MYH14: variants seen among roughly 807,000 people sequenced by gnomAD.
The protein encoded by MYH14 is myosin-14.
In MYH14, 123 loss-of-function variants were observed where a neutral mutation model predicts 255.5. That is an observed-to-expected ratio of 0.48 (90% CI 0.42 to 0.56). MYH14 has a LOEUF of 0.56. MYH14 is among the 20% of genes least tolerant of loss of function. The pLI is 0.00. For missense variants in MYH14, 2,423 were observed against 2,802.3 expected, an observed-to-expected ratio of 0.86 and a Z score of 3.06; for synonymous variants, 1,095 against 1,161.2, an observed-to-expected ratio of 0.94 and a Z score of 1.16.
Position 50,293,802 on chromosome 19 carries a change from G to A in MYH14, c.5469+115G>A. On this transcript the variant is annotated intron_variant, in intron 39 of 42. Transcript: ENST00000642316. This position sits in a 1 kb window ranked among gnomAD's most constrained non-coding sequence, Gnocchi z 4.1. ...GGGATATTTGAGTTGGGTTTTGAAG[G>A]TTGAATAGGAGTTCTTAAAAGGGTT... 1.7e-6 allele frequency: 2 copies of A among 1,196,348 alleles called. No individual in the cohort carries two copies. Among genetic ancestry groups the A allele is most frequent in the East Asian group, 2.5e-5 (1 of 40,172 alleles). 74.1% of individuals were successfully genotyped at this position (1,196,348 alleles called of 1,614,324 possible). A position where few individuals can be genotyped will look rare whatever the true frequency, so the allele number is the denominator to read the frequency against.
intron 32 of MYH14, among the ~76,000 whole-genome samples, chr19:50,281,321 C>T (rs972178241): frequency 6.6e-6 from 1 of 152,230 alleles, no homozygotes; most frequent in African/African-American, 2.4e-5. Flanking sequence ...GGCTGTGACT[C>T]TGTGTCTCCC....
intron 2 of MYH14, among the ~76,000 whole-genome samples, chr19:50,214,360 GGT>G (rs1327223706): frequency 6.6e-6 from 1 of 152,124 alleles, no homozygotes; most frequent in African/African-American, 2.4e-5. Context: ...TGGGGATGGT[GGT>G]GTTGTCCAGT....
chr19:50,266,971 C>A lies in MYH14; in HGVS notation c.2789C>A (p.Ala930Asp). ...QKVQELQQQS[A>D]REVGELQGRV... ...GTGCAGGAGCTACAGCAGCAGAGCG[C>A]CCGCGAAGTTGGGGAGCTCCAGGGC... The change falls in exon 23 of 43, where the codon GCC becomes GAC. Residue 930 changes from alanine to aspartate, a missense_variant. This residue lies in a region of MYH14 where 1,513 missense variants were observed against 1,674.8 expected (regional missense o/e 0.90). Coordinates refer to ENST00000642316, the MANE Select transcript of MYH14 (RefSeq NM_001145809.2). This position sits in a 1 kb window ranked among gnomAD's most constrained non-coding sequence, Gnocchi z 4.1. 6.4e-7 allele frequency: 1 copy of A among 1,567,922 alleles called. No homozygotes were observed. Among genetic ancestry groups the A allele is most frequent in the Non-Finnish European group, 8.6e-7 (1 of 1,156,586 alleles).
intron 6 of MYH14, 88 bp downstream of exon 6, chr19:50,224,265 A>G: frequency 6.4e-7 from 1 of 1,574,558 alleles, no homozygotes; most frequent in Non-Finnish European, 8.7e-7. Flanking sequence ...GACAGGGCCC[A>G]AGGCAGCAGT....
At chr19:50,289,065 C>A (rs182813858) in intron 34 of MYH14, among the ~76,000 whole-genome samples, 1 of 152,064 alleles carries the variant, frequency 6.6e-6, no homozygotes, top group Non-Finnish European at 1.5e-5. Flanking sequence ...TCAACCCATT[C>A]GCACAGAATT....
chr19:50,301,898 A>G (rs1301413633), intron 40 of MYH14, 29 bp downstream of exon 40: 4 of 1,550,008 alleles, frequency 2.6e-6, no homozygotes, highest in South Asian at 2.3e-5. Flanking sequence ...CACAGGAGAA[A>G]GGTGACCTCC....
chr19:50,260,800 TG>T lies in MYH14; in HGVS notation c.2424+86del. 4 of 1,027,000 alleles carry T rather than the reference TG, an allele frequency of 3.9e-6. No homozygotes were observed. In the South Asian group the frequency reaches 4.0e-5, roughly 10 times the overall value. 63.6% of individuals were successfully genotyped at this position (1,027,000 alleles called of 1,614,324 possible). A position where few individuals can be genotyped will look rare whatever the true frequency, so the allele number is the denominator to read the frequency against. ...GCGTGCATGTGTGTGTGCATGCATA[TG>T]TGTGCATGCGTGTGTGTGCAAGTGT... On this transcript the variant is annotated intron_variant, in intron 20 of 42. Transcript: ENST00000642316.
intron 10 of MYH14, 75 bp downstream of exon 10, chr19:50,232,145 G>A (rs1230592238): frequency 6.6e-5 from 103 of 1,568,932 alleles, no homozygotes; most frequent in Middle Eastern, 3.3e-4. Context: ...TTCATGCCCC[G>A]ATCTCTTTGA....
In MYH14 at chr19:50,280,349, G is replaced by C; in HGVS notation, c.4256G>C (p.Arg1419Pro). Residue 1419 changes from arginine to proline, a missense_variant, in exon 32 of 43, where the codon CGG (arginine) becomes CCG (proline). Around this residue, in one of 3 missense-constraint regions of MYH14, gnomAD observed 1,513 missense variants for 1,674.8 expected, o/e 0.90. Transcript: ENST00000642316. The surrounding 1 kb of genome is among the most constrained non-coding windows in gnomAD (Gnocchi z 4.8). ...QLEEEAAARE[R>P]AGRELQTAQA... Reference sequence around the variant, plus strand: ...GAGGAGGAGGCAGCTGCCAGGGAACGGGCGGGCCGTGAACTGCAGACTGCC... The same window carrying C: ...GAGGAGGAGGCAGCTGCCAGGGAACCGGCGGGCCGTGAACTGCAGACTGCC... 3 of 1,547,686 alleles carry C rather than the reference G, an allele frequency of 1.9e-6. No homozygotes were observed. The highest frequency in any genetic ancestry group is 2.6e-6 in the Non-Finnish European group (3 of 1,145,580).
intron 40 of MYH14, among the ~76,000 whole-genome samples, chr19:50,303,232 T>C (rs923456591): frequency 6.6e-6 from 1 of 152,232 alleles, no homozygotes; most frequent in African/African-American, 2.4e-5. Flanking sequence ...TAATCTTGGC[T>C]GGGCTTTCAT....
chr19:50,293,385 C>A lies in MYH14; in HGVS notation c.5345+64C>A. The A allele has an allele frequency of 1.3e-6, 2 of 1,521,584 alleles. No individual in the cohort carries two copies. Among genetic ancestry groups the A allele is most frequent in the African/African-American group, 1.4e-5 (1 of 72,762 alleles). The allele number at this position is 1,521,584 out of a possible 1,614,324, so 94.3% of individuals were successfully genotyped here. A position where few individuals can be genotyped will look rare whatever the true frequency, so the allele number is the denominator to read the frequency against. On this transcript the variant is annotated intron_variant, in intron 38 of 42. Coordinates refer to ENST00000642316, the MANE Select transcript of MYH14 (RefSeq NM_001145809.2). The surrounding 1 kb of genome is among the most constrained non-coding windows in gnomAD (Gnocchi z 4.1). ...CTGCAGGAGGTGAAGCTGGGGTAGGCTGGAGGTGGCTGGGCTCTGGGACAG... is the reference window on the plus strand; with the variant it reads ...CTGCAGGAGGTGAAGCTGGGGTAGGATGGAGGTGGCTGGGCTCTGGGACAG...
chr19:50,254,423 T>C (rs960009026), intron 16 of MYH14, among the ~76,000 whole-genome samples: 2 of 152,192 alleles, frequency 1.3e-5, no homozygotes, highest in Non-Finnish European at 1.5e-5. Flanking sequence ...AACCAGATTA[T>C]GCTACGAGAA....
rs2034010380 is a variant in MYH14 at position 50,244,338 on chromosome 19, G to T, written c.1210+1G>T. The T allele has an allele frequency of 6.2e-7, 1 of 1,612,944 alleles. No individual in the cohort carries two copies. The highest frequency in any genetic ancestry group is 1.7e-5 in the Admixed American group (1 of 59,974). On this transcript the variant is annotated splice_donor_variant, in intron 11 of 42. Coordinates refer to ENST00000642316, the MANE Select transcript of MYH14 (RefSeq NM_001145809.2). LOFTEE classifies it high-confidence loss of function. The stretch of plus-strand genomic sequence containing the variant: ...CAAGCCACCATGCCTGACAACACAG[G>T]TACTGCCCCCGGCCTGCCTGCCCAC...
chr19:50,230,475 A>G lies in MYH14; in HGVS notation c.875-50A>G. The G allele has an allele frequency of 6.7e-7, 1 of 1,503,306 alleles. No homozygotes were observed. Among genetic ancestry groups the G allele is most frequent in the South Asian group, 1.2e-5 (1 of 83,078 alleles). The allele number at this position is 1,503,306 out of a possible 1,614,324, so 93.1% of individuals were successfully genotyped here. ...GGGCAGGCTCCTGTAGTGGCCTGGCAGCGTCGGGGCCGTCCCTTCCCCTCT... is the reference window on the plus strand; with the variant it reads ...GGGCAGGCTCCTGTAGTGGCCTGGCGGCGTCGGGGCCGTCCCTTCCCCTCT... On this transcript the variant is annotated intron_variant, in intron 8 of 42. Coordinates refer to ENST00000642316, the MANE Select transcript of MYH14 (RefSeq NM_001145809.2). The surrounding 1 kb of genome is among the most constrained non-coding windows in gnomAD (Gnocchi z 4.7).
intron 3 of MYH14, among the ~76,000 whole-genome samples, chr19:50,220,908 G>A (rs1439778282): frequency 1.3e-5 from 2 of 152,178 alleles, no homozygotes; most frequent in Non-Finnish European, 2.9e-5. Flanking sequence ...GAATACTGAA[G>A]TCTCCAGGTA....
chr19:50,225,515 C>A, intron 6 of MYH14, 70 bp from the exon 7 acceptor site: 1 of 1,246,800 alleles, frequency 8.0e-7, no homozygotes, highest in Non-Finnish European at 1.1e-6. Context: ...GAGACACAGC[C>A]CGAGCTGGGC....
intron 16 of MYH14, among the ~76,000 whole-genome samples, chr19:50,254,438 C>G (rs1254511442): frequency 6.6e-6 from 1 of 152,284 alleles, no homozygotes; most frequent in East Asian, 1.9e-4. Context: ...CGAGAATCAT[C>G]TCCCGGCTGA....
chr19:50,208,596 A>G (rs1270707678), intron 1 of MYH14, among the ~76,000 whole-genome samples: 1 of 152,260 alleles, frequency 6.6e-6, no homozygotes, highest in African/African-American at 2.4e-5. Flanking sequence ...CTGGGATTAC[A>G]GCAGCTCTGT....
rs554949963 is a variant in MYH14, at chr19:50,253,769, T to C, written c.1945+1016T>C. 1.7e-4 allele frequency among the ~76,000 whole-genome samples: 26 copies of C among 152,254 alleles called. No individual in the cohort carries two copies. In the South Asian group the frequency reaches 4.4e-3, roughly 26 times the overall value. On this transcript the variant is annotated intron_variant, in intron 16 of 42. Coordinates refer to ENST00000642316, the MANE Select transcript of MYH14 (RefSeq NM_001145809.2). ...GCCACTGCCCCTGCCCCCCCATCCT[T>C]AGAGGAGGTTTGAGAAATGGTTTTA...
Sources: allele counts gnomAD v4.1 joint callset (sites outside exome capture counted in the v4.1 genomes callset), GRCh38; gene constraint gnomAD v4.1.1; regional missense constraint gnomAD v4.1.1; non-coding constraint Gnocchi (gnomAD v3.1); transcripts MANE v1.5; gene names NCBI Gene and HGNC (gene_info 2026-07-23, HGNC 2026-07-21).